Variants in RIBC2 observed in about 807,000 individuals in gnomAD.
RIBC2 encodes the protein RIB43A-like with coiled-coils protein 2.
RIBC2 carries 40 observed loss-of-function variants against 44.3 expected under a neutral mutation model. The ratio of observed to expected loss-of-function variants is 0.90; its 90% CI spans 0.70 to 1.18. RIBC2 has a LOEUF of 1.18. Ranked by LOEUF, RIBC2 falls within the 50% of genes most tolerant of loss-of-function variation. The pLI, the probability that RIBC2 is intolerant of heterozygous loss-of-function variation, is 0.00. For missense variants in RIBC2, 459 were observed against 485.5 expected (o/e 0.95, Z 0.51); for synonymous variants, 171 against 175.0 (o/e 0.98, Z 0.18).
intron 3 of RIBC2, among the ~76,000 whole-genome samples, chr22:45,421,592 A>C (rs62226843): frequency 2.6e-4 from 9 of 34,918 alleles, no homozygotes; most frequent in Admixed American, 6.5e-4. Flanking sequence ...AATAATAATA[A>C]TAGTATTATT....
rs2087440997 is a variant in RIBC2, at chr22:45,417,890, G to A, written c.500G>A (p.Trp167Ter). 1 of 1,613,740 alleles carries A rather than the reference G, an allele frequency of 6.2e-7. No homozygotes were observed. Among genetic ancestry groups the A allele is most frequent in the Non-Finnish European group, 8.5e-7 (1 of 1,179,892 alleles). ...TTCCAAGAGGAACAAAACAGAGAAT[G>A]GTCTTTGCAGCAGCAAAGGGAATGG... is the stretch of plus-strand genomic sequence containing the variant. ...KKFQEEQNRE[W>*]SLQQQREWKN... Residue 167 changes from tryptophan to a stop codon, truncating the protein, a stop_gained, in exon 3 of 7, where the codon TGG becomes TAG. Coordinates refer to ENST00000614167, the MANE Select transcript of RIBC2 (RefSeq NM_015653.5). LOFTEE classifies it high-confidence loss of function.
chr22:45,413,927 T>TG lies in RIBC2; in HGVS notation c.42dup (p.Arg15AlafsTer33). The TG allele has an allele frequency of 6.4e-7, 1 of 1,551,642 alleles. No homozygotes were observed. Among genetic ancestry groups the TG allele is most frequent in the Non-Finnish European group, 8.7e-7 (1 of 1,146,962 alleles). On this transcript the variant is annotated frameshift_variant, in exon 1 of 7. Coordinates refer to ENST00000614167, the MANE Select transcript of RIBC2 (RefSeq NM_015653.5). LOFTEE classifies it high-confidence loss of function. ...ATGGCGGTGGCGCTGCCCAGGGACT[T>TG]GCGGCAGGACGCCAACCTGGCAAAG...
At chr22:45,418,993 A>G (rs570891921) in intron 3 of RIBC2, among the ~76,000 whole-genome samples, 9 of 152,318 alleles carry the variant, frequency 5.9e-5, no homozygotes, top group Non-Finnish European at 7.3e-5. Context: ...CATGCAATTC[A>G]GCTTTCAGAA....
At position 45,425,967 on chromosome 22, in the gene RIBC2, GGAAAAAGCAAGA is replaced by G. The variant is rs776932134; in HGVS notation, c.708_719del (p.Lys237_Glu240del). 3.7e-6 allele frequency: 6 copies of G among 1,613,852 alleles called. No homozygotes were observed. Among genetic ancestry groups the G allele is most frequent in the African/African-American group, 1.3e-5 (1 of 75,036 alleles). Reference sequence around the variant, plus strand: ...GCTTAGGCCATCGAGTCAGTGGAAAGGAAAAAGCAAGAGAAAAAGCAAGAACAAGAGGACAAC... The same window carrying G: ...GCTTAGGCCATCGAGTCAGTGGAAAGGAAAAAGCAAGAACAAGAGGACAAC... On this transcript the variant is annotated inframe_deletion, in exon 5 of 7. Transcript: ENST00000614167.
At chr22:45,415,759 G>C (rs2087419080) in intron 2 of RIBC2, among the ~76,000 whole-genome samples, 1 of 152,054 alleles carries the variant, frequency 6.6e-6, no homozygotes, top group Non-Finnish European at 1.5e-5. Flanking sequence ...GAGAGCTGTG[G>C]CGCGATCTCA....
At chr22:45,424,482 C>T (rs2087515228) in intron 4 of RIBC2, among the ~76,000 whole-genome samples, 1 of 152,228 alleles carries the variant, frequency 6.6e-6, no homozygotes, top group Non-Finnish European at 1.5e-5. Flanking sequence ...CAACACCCTC[C>T]TGTGTCGGTC....
chr22:45,414,465 T>A, intron 2 of RIBC2, 62 bp downstream of exon 2: 1 of 1,106,626 alleles, frequency 9.0e-7, no homozygotes, highest in Non-Finnish European at 1.3e-6. Flanking sequence ...ACTCCAGTCT[T>A]CCCCACCGTC....
intron 1 of RIBC2, 36 bp downstream of exon 1, chr22:45,414,051 C>CA (rs1408410972): frequency 1.9e-6 from 3 of 1,548,254 alleles, no homozygotes; most frequent in Non-Finnish European, 2.6e-6. Flanking sequence ...GTTAGAGCGG[C>CA]AGATGCGGGC....
chr22:45,423,823 G>C (rs2087508644), intron 4 of RIBC2, among the ~76,000 whole-genome samples: 1 of 152,198 alleles, frequency 6.6e-6, no homozygotes, highest in South Asian at 2.1e-4. Flanking sequence ...GGCGACCAAA[G>C]AGGGGAGGCT....
At chr22:45,415,624 T>A (rs1025089615) in intron 2 of RIBC2, among the ~76,000 whole-genome samples, 1 of 141,978 alleles carries the variant, frequency 7.0e-6, no homozygotes, top group Admixed American at 7.1e-5. Context: ...TATATATATA[T>A]AACAACACTG....
chr22:45,416,311 C>T lies in RIBC2; in HGVS notation c.212-1291C>T, dbSNP rs192079545. On this transcript the variant is annotated intron_variant, in intron 2 of 6. Transcript: ENST00000614167. Reference sequence around the variant, plus strand: ...GTCATTGTGGACACTGCTGCAATGACTGTCCAAGAATTGTGTCCCTAGCAC... The same window carrying T: ...GTCATTGTGGACACTGCTGCAATGATTGTCCAAGAATTGTGTCCCTAGCAC... Among the ~76,000 whole-genome samples the T allele has an allele frequency of 3.9e-3, 594 of 151,758 alleles. 2 individuals are homozygous for T. The highest frequency in any genetic ancestry group is 6.5e-3 in the Non-Finnish European group (445 of 67,982).
intron 3 of RIBC2, among the ~76,000 whole-genome samples, chr22:45,421,563 T>C (rs2087483188): frequency 8.6e-6 from 1 of 115,832 alleles, no homozygotes; most frequent in Non-Finnish European, 1.7e-5. Flanking sequence ...ATAATAGTAT[T>C]ATTAATAATA....
intron 1 of RIBC2, 38 bp from the exon 2 acceptor site, chr22:45,414,284 C>A: frequency 6.5e-7 from 1 of 1,527,672 alleles, no homozygotes; most frequent in Non-Finnish European, 8.8e-7. Context: ...ATAAAATGAT[C>A]TGGCTCTAAC....
intron 5 of RIBC2, among the ~76,000 whole-genome samples, chr22:45,430,166 C>T (rs1220462412): frequency 1.3e-5 from 2 of 152,170 alleles, no homozygotes; most frequent in Non-Finnish European, 2.9e-5. Context: ...ATGGGGCCGC[C>T]CAGACCCCCG....
chr22:45,425,939 C>T lies in RIBC2; in HGVS notation c.676-9C>T, dbSNP rs779696908. The T allele has an allele frequency of 5.6e-6, 9 of 1,610,794 alleles. No homozygotes were observed. The highest frequency in any genetic ancestry group is 7.6e-6 in the Non-Finnish European group (9 of 1,178,188). On this transcript the variant is annotated splice_polypyrimidine_tract_variant and intron_variant, in intron 4 of 6. Transcript: ENST00000614167. ...CGGACCATCTTCTTTAATGTCTTCA[C>T]CTGCTTAGGCCATCGAGTCAGTGGA...
At chr22:45,417,125 T>C (rs2087432744) in intron 2 of RIBC2, among the ~76,000 whole-genome samples, 1 of 152,020 alleles carries the variant, frequency 6.6e-6, no homozygotes. Context: ...GGTCTTATAC[T>C]CCTGATCTCA....
At chr22:45,426,519 C>G (rs1374281737) in intron 5 of RIBC2, among the ~76,000 whole-genome samples, 2 of 152,250 alleles carry the variant, frequency 1.3e-5, no homozygotes, top group Admixed American at 1.3e-4. Flanking sequence ...CCTGCCAGAC[C>G]TGCTCAGAGA....
intron 3 of RIBC2, among the ~76,000 whole-genome samples, chr22:45,419,543 G>C (rs552685964): frequency 6.6e-6 from 1 of 152,008 alleles, no homozygotes; most frequent in South Asian, 2.1e-4. Context: ...AGGCCAGCCC[G>C]GGCAACAAAG....
At chr22:45,428,663 C>T (rs1485069951) in intron 5 of RIBC2, among the ~76,000 whole-genome samples, 3 of 152,036 alleles carry the variant, frequency 2.0e-5, no homozygotes, top group Non-Finnish European at 4.4e-5. Context: ...CTGAAGTGAC[C>T]GTCATTTTCT....
Sources: allele counts gnomAD v4.1 joint callset (sites outside exome capture counted in the v4.1 genomes callset), GRCh38; gene constraint gnomAD v4.1.1; transcripts MANE v1.5; gene names NCBI Gene and HGNC (gene_info 2026-07-23, HGNC 2026-07-21).